ACER1: variants seen among roughly 807,000 people sequenced by gnomAD.
ACER1 encodes alkaline ceramidase 1, also known as CTB-180A7.3.
In ACER1, 28 loss-of-function variants were observed where a neutral mutation model predicts 24.9. The observed-to-expected ratio is 1.13, with a 90% CI of 0.83 to 1.54. The LOEUF is 1.54. ACER1 is among the 40% of genes most tolerant of loss of function. ACER1 has a pLI of 0.00. For missense variants in ACER1, 352 were observed against 349.3 expected, an observed-to-expected ratio of 1.01 and a Z score of -0.06; for synonymous variants, 132 against 131.4, an observed-to-expected ratio of 1.00 and a Z score of -0.03.
the ACER1 span, among the ~76,000 whole-genome samples, chr19:6,355,770 G>A: frequency 7.1e-6 from 1 of 140,976 alleles, no homozygotes; most frequent in African/African-American, 2.9e-5. Flanking sequence ...CCCCCCACCC[G>A]GCCAGCCGCC....
upstream of ACER1, among the ~76,000 whole-genome samples, chr19:6,335,157 ATAT>A (rs537821385): frequency 4.5e-3 from 655 of 144,966 alleles, 5 homozygotes; most frequent in African/African-American, 0.016. Flanking sequence ...ATAATAATTA[ATAT>A]TATATATTAT....
the ACER1 span, among the ~76,000 whole-genome samples, chr19:6,356,223 G>C: frequency 6.7e-6 from 1 of 149,600 alleles, no homozygotes; most frequent in African/African-American, 2.5e-5. Flanking sequence ...AGGGTTAAAT[G>C]GATTAAGGGC....
chr19:6,312,667 CTT>C (rs35762850), intron 1 of ACER1, among the ~76,000 whole-genome samples, 168 bp from the exon 2 acceptor site: 86 of 132,312 alleles, frequency 6.5e-4, no homozygotes, highest in Middle Eastern at 3.8e-3. Flanking sequence ...TCAGCCGACC[CTT>C]TTTTTTTTTT....
At chr19:6,336,371 T>C (rs2091714195), upstream of ACER1, among the ~76,000 whole-genome samples, 1 of 152,128 alleles carries the variant, frequency 6.6e-6, no homozygotes, top group African/African-American at 2.4e-5. Flanking sequence ...GAACTTACCA[T>C]AGGTCACACA....
upstream of ACER1, among the ~76,000 whole-genome samples, chr19:6,337,175 CAAA>C (rs56792886): frequency 8.3e-6 from 1 of 119,834 alleles, no homozygotes. Flanking sequence ...GACTCCCTCT[CAAA>C]AAAAAAAAAA....
At chr19:6,344,800 C>A in the ACER1 span, among the ~76,000 whole-genome samples, 3 of 151,476 alleles carry the variant, frequency 2.0e-5, no homozygotes, top group Admixed American at 1.3e-4. Flanking sequence ...TGTTATATAT[C>A]CTCTTGTGAA....
chr19:6,337,598 C>A (rs182204132), upstream of ACER1, among the ~76,000 whole-genome samples: 2 of 142,360 alleles, frequency 1.4e-5, no homozygotes, highest in Non-Finnish European at 3.0e-5. Context: ...GGATTACAGG[C>A]GTGGACCACC....
At chr19:6,341,548 G>A in the ACER1 span, among the ~76,000 whole-genome samples, 16 of 149,340 alleles carry the variant, frequency 1.1e-4, no homozygotes, top group East Asian at 2.6e-3. Flanking sequence ...GAAAAAAAAA[G>A]AAAAAGAAAA....
rs1041223618 is a variant in ACER1, at chr19:6,312,011, C to T, written c.350+138G>A. 20 of 1,211,508 alleles carry T rather than the reference C, an allele frequency of 1.7e-5. No homozygotes were observed. The African/African-American group carries it at 3.1e-4, about 19-fold the overall frequency. The allele number at this position is 1,211,508 out of a possible 1,614,324, so 75.0% of individuals were successfully genotyped here. On this transcript the variant is annotated intron_variant, in intron 3 of 5. Transcript: ENST00000301452. ...TGAGTCAGGCAGGGTCAGGAGAAAA[C>T]CCGAAGTGGTCAGGGGAGGAATTCC... is the stretch of plus-strand genomic sequence containing the variant.
At chr19:6,344,090 A>G in the ACER1 span, 1 of 152,108 alleles carries the variant, frequency 6.6e-6, no homozygotes, top group Non-Finnish European at 1.5e-5. Flanking sequence ...TGATGTCAGG[A>G]GTTCGAGACC....
Position 6,307,180 on chromosome 19 carries a change from A to G in ACER1, c.599T>C (p.Ile200Thr). 1 of 1,614,124 alleles carries G rather than the reference A, an allele frequency of 6.2e-7. No homozygotes were observed. Among genetic ancestry groups the G allele is most frequent in the Non-Finnish European group, 8.5e-7 (1 of 1,180,034 alleles). The change falls in exon 5 of 6, where the codon ATT becomes ACT. Residue 200 changes from isoleucine (I) to threonine (T), a missense_variant. By Grantham distance (89) the Ile-to-Thr change is moderately conservative (BLOSUM62 -1). Coordinates refer to ENST00000301452, the MANE Select transcript of ACER1 (RefSeq NM_133492.3). The part of the protein sequence containing the change: ...DRLLCSFWQR[I>T]HFFYLHSIWH... ...GATGCTGTGCAGATAGAAGAAATGA[A>G]TCCTCTGCCAGAAGCTGCAAAGCAG...
At chr19:6,351,482 G>A in the ACER1 span, among the ~76,000 whole-genome samples, 10 of 151,894 alleles carry the variant, frequency 6.6e-5, no homozygotes, top group Non-Finnish European at 1.5e-4. Context: ...TGTAATCCCA[G>A]CACTTTGAGA....
upstream of ACER1, among the ~76,000 whole-genome samples, chr19:6,335,045 ATATTATATTAAAATATAAAAT>A (rs1015144742): frequency 6.9e-4 from 102 of 147,018 alleles, no homozygotes; most frequent in African/African-American, 2.3e-3. Context: ...TATAATAGCA[ATATTATATTAAAATATAAAAT>A]TATTATATTA....
At chr19:6,336,164 G>T (rs976694893), upstream of ACER1, among the ~76,000 whole-genome samples, 1 of 152,044 alleles carries the variant, frequency 6.6e-6, no homozygotes, top group African/African-American at 2.4e-5. Context: ...GCTTCCCAAA[G>T]TGCTGGGATT....
At chr19:6,309,538 A>T (rs1226955667) in intron 4 of ACER1, among the ~76,000 whole-genome samples, 159 bp downstream of exon 4, 1 of 151,234 alleles carries the variant, frequency 6.6e-6, no homozygotes, top group African/African-American at 2.5e-5. Context: ...AAAAATAATA[A>T]TAAGGACAAA....
chr19:6,332,135 T>C (rs945362563), intron 1 of ACER1, among the ~76,000 whole-genome samples: 8 of 151,648 alleles, frequency 5.3e-5, no homozygotes, highest in African/African-American at 1.9e-4. Context: ...CCTGGCTAAT[T>C]TTTGTATTTT....
intron 4 of ACER1, among the ~76,000 whole-genome samples, chr19:6,307,559 G>A (rs1283145087): frequency 6.6e-6 from 1 of 151,124 alleles, no homozygotes; most frequent in Non-Finnish European, 1.5e-5. Flanking sequence ...GAGGTTGGGA[G>A]GATCGCTTGA....
At chr19:6,316,631 C>A (rs1436711257) in intron 1 of ACER1, among the ~76,000 whole-genome samples, 1 of 151,892 alleles carries the variant, frequency 6.6e-6, no homozygotes, top group Non-Finnish European at 1.5e-5. Context: ...CCAGCCTGGC[C>A]AACATGGTGA....
chr19:6,309,605 G>A (rs2091567577), intron 4 of ACER1, 92 bp downstream of exon 4: 2 of 1,519,608 alleles, frequency 1.3e-6, no homozygotes, highest in African/African-American at 1.4e-5. Context: ...GGGTGATCTT[G>A]GAGAAGGGAC....
Sources: allele counts gnomAD v4.1 joint callset (sites outside exome capture counted in the v4.1 genomes callset), GRCh38; gene constraint gnomAD v4.1.1; transcripts MANE v1.5; gene names NCBI Gene and HGNC (gene_info 2026-07-23, HGNC 2026-07-21).